The following HIVEP1 variants were observed in gnomAD, a reference collection of about 807,000 sequenced individuals.
The protein encoded by HIVEP1 is HIVEP zinc finger 1.
In HIVEP1, 36 loss-of-function variants were observed where a neutral mutation model predicts 180.0. That is an observed-to-expected ratio of 0.20 (90% CI 0.15 to 0.26). The LOEUF is 0.26. HIVEP1 is among the 10% of genes least tolerant of loss of function. The pLI, the probability that HIVEP1 is intolerant of heterozygous loss-of-function variation, is 1.00. For synonymous variants in HIVEP1, 1,239 were observed against 1,239.0 expected, an observed-to-expected ratio of 1.00 and a Z score of 0.00; for missense variants, 3,143 against 3,268.7, an observed-to-expected ratio of 0.96 and a Z score of 0.94.
chr6:12,073,553 T>A (rs1488214749), intron 2 of HIVEP1, among the ~76,000 whole-genome samples: 2 of 152,182 alleles, frequency 1.3e-5, no homozygotes, highest in Non-Finnish European at 2.9e-5. Context: ...GCCGTTGCCC[T>A]GGGGGAAAGA....
At chr6:12,159,835 AAGT>A (rs1286101173) in intron 7 of HIVEP1, among the ~76,000 whole-genome samples, 3 of 152,214 alleles carry the variant, frequency 2.0e-5, no homozygotes, top group Non-Finnish European at 4.4e-5. Context: ...TTAATTATAA[AAGT>A]AGCACACGTT....
the HIVEP1 span, among the ~76,000 whole-genome samples, chr6:12,177,542 A>G: frequency 6.6e-6 from 1 of 152,198 alleles, no homozygotes; most frequent in Non-Finnish European, 1.5e-5. Flanking sequence ...GATCTTATGT[A>G]GGTGTTTAGT....
At chr6:12,096,025 T>C (rs1456374171) in intron 3 of HIVEP1, among the ~76,000 whole-genome samples, 1 of 151,990 alleles carries the variant, frequency 6.6e-6, no homozygotes, top group Non-Finnish European at 1.5e-5. Flanking sequence ...GTAGAGACTT[T>C]AGGTCAGCTT....
chr6:12,028,026 T>G (rs1454320407), intron 2 of HIVEP1, among the ~76,000 whole-genome samples: 3 of 152,244 alleles, frequency 2.0e-5, no homozygotes, highest in Non-Finnish European at 2.9e-5. Context: ...GTTGAGTTGT[T>G]TGGGGAATAC....
Position 12,163,903 on chromosome 6 carries a change from C to T in HIVEP1, c.7599C>T (p.Ser2533=). The change falls in exon 9 of 9, where the codon AGC becomes AGT. Residue 2533 remains serine (S), a synonymous_variant. Transcript: ENST00000379388. ...TGACTGCAAACCCTTCATCACAAAG[C>T]AGCCCCGCCCCTCAGGCACACATTC... The part of the protein sequence containing the change: ...QVLTANPSSQ[S]SPAPQAHIPG... The T allele has an allele frequency of 1.2e-6, 2 of 1,614,196 alleles. No homozygotes were observed. The highest frequency in any genetic ancestry group is 2.2e-5 in the East Asian group (1 of 44,880).
At chr6:12,114,651 A>G (rs1037975628) in intron 3 of HIVEP1, among the ~76,000 whole-genome samples, 4 of 152,192 alleles carry the variant, frequency 2.6e-5, no homozygotes, top group Admixed American at 6.5e-5. Context: ...ATGTATCATA[A>G]TTTTCATATT....
chr6:12,071,407 C>T (rs994905397), intron 2 of HIVEP1, among the ~76,000 whole-genome samples: 7 of 152,222 alleles, frequency 4.6e-5, no homozygotes, highest in Admixed American at 4.6e-4. Flanking sequence ...TCTCCTCTCA[C>T]CTTGTGTATT....
intron 7 of HIVEP1, among the ~76,000 whole-genome samples, chr6:12,148,326 T>C (rs1759494704): frequency 6.6e-6 from 1 of 152,170 alleles, no homozygotes; most frequent in African/African-American, 2.4e-5. Flanking sequence ...TCCCTCATCA[T>C]AGGGGATACC....
At chr6:12,081,619 C>G (rs927757674) in intron 2 of HIVEP1, among the ~76,000 whole-genome samples, 1 of 152,106 alleles carries the variant, frequency 6.6e-6, no homozygotes, top group Admixed American at 6.6e-5. Context: ...TCTCCAAAAC[C>G]TTGCCGCTCC....
chr6:12,015,795 T>C lies in HIVEP1; in HGVS notation c.40+127T>C, dbSNP rs189466902. The C allele has an allele frequency of 1.7e-5, 13 of 754,966 alleles. No homozygotes were observed. In the East Asian group the frequency reaches 3.3e-4, roughly 19 times the overall value. The allele number at this position is 754,966 out of a possible 1,614,324, so 46.8% of individuals were successfully genotyped here. On this transcript the variant is annotated intron_variant, in intron 2 of 8. Coordinates refer to ENST00000379388, the MANE Select transcript of HIVEP1 (RefSeq NM_002114.4). ...TGGTGAGGAGCGCTATTTCTCTTGC[T>C]CATTTCCAGCAGTCCTGCACAATTC...
downstream of HIVEP1, among the ~76,000 whole-genome samples, chr6:12,167,051 GA>G (rs1247777783): frequency 6.9e-6 from 1 of 143,886 alleles, no homozygotes; most frequent in Non-Finnish European, 1.6e-5. Flanking sequence ...AAGCCAAAAT[GA>G]TAATTATTTC....
At chr6:12,057,566 T>A (rs1770961294) in intron 2 of HIVEP1, among the ~76,000 whole-genome samples, 1 of 152,188 alleles carries the variant, frequency 6.6e-6, no homozygotes. Context: ...ATTGTTCTGT[T>A]TTCTGTTTAT....
At chr6:12,169,820 A>C (rs142199667), downstream of HIVEP1, among the ~76,000 whole-genome samples, 1 of 152,158 alleles carries the variant, frequency 6.6e-6, no homozygotes. Flanking sequence ...ACATTCGATA[A>C]TATTTATTTA....
At chr6:12,068,981 T>C (rs1771787098) in intron 2 of HIVEP1, among the ~76,000 whole-genome samples, 2 of 152,228 alleles carry the variant, frequency 1.3e-5, no homozygotes, top group Non-Finnish European at 2.9e-5. Context: ...TATGATAATA[T>C]TATTCTTTAA....
At chr6:12,158,116 G>A (rs553399086) in intron 7 of HIVEP1, among the ~76,000 whole-genome samples, 10 of 152,214 alleles carry the variant, frequency 6.6e-5, no homozygotes, top group South Asian at 2.1e-4. Flanking sequence ...TCTGATTATT[G>A]CTTTGTCTCT....
At chr6:12,011,680 C>T (rs1418869125), upstream of HIVEP1, among the ~76,000 whole-genome samples, 2 of 148,664 alleles carry the variant, frequency 1.3e-5, no homozygotes, top group Non-Finnish European at 3.0e-5. Flanking sequence ...GTGGCGGGGC[C>T]GGCGCGGTCT....
At chr6:12,040,581 A>T (rs1769613446) in intron 2 of HIVEP1, among the ~76,000 whole-genome samples, 1 of 152,208 alleles carries the variant, frequency 6.6e-6, no homozygotes, top group Non-Finnish European at 1.5e-5. Flanking sequence ...TCTTTGTGAA[A>T]CACCCAATTC....
chr6:12,184,464 T>C, the HIVEP1 span, among the ~76,000 whole-genome samples: 1 of 152,160 alleles, frequency 6.6e-6, no homozygotes, highest in Non-Finnish European at 1.5e-5. Flanking sequence ...AACACAAAAA[T>C]GGTATATTTT....
chr6:12,037,606 T>C, intron 2 of HIVEP1: 1 of 386,874 alleles, frequency 2.6e-6, no homozygotes, highest in Non-Finnish European at 4.6e-6. Flanking sequence ...AAAAGAATTT[T>C]GTATATGAAA....
Sources: gnomAD v4.1 joint callset for allele counts (sites outside exome capture counted in the v4.1 genomes callset) on GRCh38, gnomAD v4.1.1 for gene constraint, MANE v1.5 for transcripts, NCBI Gene and HGNC (gene_info 2026-07-23, HGNC 2026-07-21) for gene names.